The following CREB5 variants were observed in gnomAD, a reference collection of about 807,000 sequenced individuals.
The protein encoded by CREB5 is cAMP responsive element binding protein 5.
CREB5 carries 19 observed loss-of-function variants against 57.1 expected under a neutral mutation model. The observed-to-expected ratio is 0.33, with a 90% CI of 0.23 to 0.49. The LOEUF is 0.49. Ranked by LOEUF, CREB5 falls within the 20% of genes least tolerant of loss-of-function variation. CREB5 has a pLI of 0.99. For synonymous variants in CREB5, 238 were observed against 238.3 expected (o/e 1.00, Z 0.01); for missense variants, 579 against 671.6 (o/e 0.86, Z 1.52).
At chr7:28,677,652 C>T (rs1215332660) in intron 5 of CREB5, among the ~76,000 whole-genome samples, 1 of 152,062 alleles carries the variant, frequency 6.6e-6, no homozygotes, top group African/African-American at 2.4e-5. Flanking sequence ...GGATTATTGC[C>T]CAAGAAAAGT....
At position 28,823,086 on chromosome 7, in the gene CREB5, T is replaced by G. The variant is rs183995259; in HGVS notation, c.*3807T>G. Reference sequence around the variant, plus strand: ...TGGTTGTTGCCTGTTAAGTAAACTTTAGTGTGTAAGTTGAGTTTGTCATTA... The same window carrying G: ...TGGTTGTTGCCTGTTAAGTAAACTTGAGTGTGTAAGTTGAGTTTGTCATTA... On this transcript the variant is annotated 3_prime_UTR_variant, in exon 11 of 11. Transcript: ENST00000357727. The G allele has an allele frequency of 3.3e-5, 5 of 152,732 alleles. No homozygotes were observed. The East Asian group carries it at 9.6e-4, about 29-fold the overall frequency. 9.5% of individuals were successfully genotyped at this position (152,732 alleles called of 1,614,324 possible). A position where few individuals can be genotyped will look rare whatever the true frequency, so the allele number is the denominator to read the frequency against.
rs1809737796 is a variant in CREB5 at position 28,821,122 on chromosome 7, CTT to C, written c.*1844_*1845del. The C allele has an allele frequency of 9.4e-6, 1 of 105,984 alleles. No individual in the cohort carries two copies. Among genetic ancestry groups the C allele is most frequent in the African/African-American group, 4.0e-5 (1 of 24,834 alleles). 6.6% of individuals were successfully genotyped at this position (105,984 alleles called of 1,614,324 possible). A position where few individuals can be genotyped will look rare whatever the true frequency, so the allele number is the denominator to read the frequency against. On this transcript the variant is annotated 3_prime_UTR_variant, in exon 11 of 11. Coordinates refer to ENST00000357727, the MANE Select transcript of CREB5 (RefSeq NM_182898.4). ...TCATCTCCATTTGAATGCTTGACCT[CTT>C]AATGTGTGTGTGTGTGTGTGTGTGT...
chr7:28,660,632 TAAAA>T, intron 5 of CREB5, among the ~76,000 whole-genome samples: 1 of 152,042 alleles, frequency 6.6e-6, no homozygotes, highest in East Asian at 1.9e-4. Flanking sequence ...AGTCCTATAG[TAAAA>T]AAAAGTCTAG....
chr7:28,442,938 G>A (rs968724707), intron 1 of CREB5, among the ~76,000 whole-genome samples: 3 of 152,072 alleles, frequency 2.0e-5, no homozygotes, highest in African/African-American at 4.8e-5. Flanking sequence ...CATTCCTTAC[G>A]TAGGACAGTA....
At chr7:28,679,534 C>T (rs1311979789) in intron 5 of CREB5, among the ~76,000 whole-genome samples, 2 of 152,088 alleles carry the variant, frequency 1.3e-5, no homozygotes, top group African/African-American at 2.4e-5. Context: ...TCTTAGGACC[C>T]GAGGGAAGTG....
chr7:28,453,777 G>A (rs548228835), intron 1 of CREB5, among the ~76,000 whole-genome samples: 1 of 152,244 alleles, frequency 6.6e-6, no homozygotes, highest in Non-Finnish European at 1.5e-5. Context: ...CATCACCGAT[G>A]AAATTGCTGG....
chr7:28,618,023 A>G (rs1022096916), intron 5 of CREB5, among the ~76,000 whole-genome samples: 1 of 152,160 alleles, frequency 6.6e-6, no homozygotes, highest in African/African-American at 2.4e-5. Context: ...GTACACAGAG[A>G]AAAGCTTTAT....
chr7:28,727,464 G>A (rs562128357), intron 7 of CREB5, among the ~76,000 whole-genome samples: 4 of 152,176 alleles, frequency 2.6e-5, no homozygotes, highest in East Asian at 2.0e-4. Flanking sequence ...AGGAGGAAAG[G>A]AAGGGGTAGG....
At chr7:28,418,026 G>T (rs1468299205) in intron 1 of CREB5, among the ~76,000 whole-genome samples, 1 of 152,192 alleles carries the variant, frequency 6.6e-6, no homozygotes, top group Non-Finnish European at 1.5e-5. Context: ...TCACATTTCA[G>T]TTACAGTATT....
At chr7:28,756,969 A>C (rs1805353736) in intron 7 of CREB5, among the ~76,000 whole-genome samples, 1 of 152,202 alleles carries the variant, frequency 6.6e-6, no homozygotes. Context: ...GTCAACTGTT[A>C]ATAAGTAAAT....
chr7:28,615,779 G>A (rs1417020065), intron 5 of CREB5: 1 of 152,280 alleles, frequency 6.6e-6, no homozygotes, highest in Non-Finnish European at 1.5e-5. Flanking sequence ...ACCACTCCTT[G>A]GCCTTGGCCT....
At chr7:28,580,429 C>CCACACACACACACACACACA (rs70977058) in intron 5 of CREB5, among the ~76,000 whole-genome samples, 11 of 130,968 alleles carry the variant, frequency 8.4e-5, no homozygotes, top group Admixed American at 4.5e-4. Context: ...TCCCCCCCCA[C>CCACACACACACACACACACA]CACACACACA....
At chr7:28,447,795 A>G (rs1014653372) in intron 1 of CREB5, among the ~76,000 whole-genome samples, 4 of 152,196 alleles carry the variant, frequency 2.6e-5, no homozygotes, top group African/African-American at 9.6e-5. Flanking sequence ...CGTCTCAGGT[A>G]TACCTCAGGC....
At chr7:28,312,469 T>C (rs1049266926) in intron 1 of CREB5, among the ~76,000 whole-genome samples, 2 of 152,106 alleles carry the variant, frequency 1.3e-5, no homozygotes, top group Non-Finnish European at 2.9e-5. Context: ...CAGAGGTGGC[T>C]TGGGAGACCA....
rs1242500769 is a variant in CREB5 at position 28,822,919 on chromosome 7, G to C, written c.*3640G>C. 1 of 152,642 alleles carries C rather than the reference G, an allele frequency of 6.6e-6. No homozygotes were observed. The highest frequency in any genetic ancestry group is 1.5e-5 in the Non-Finnish European group (1 of 68,050). The allele number at this position is 152,642 out of a possible 1,614,324, so 9.5% of individuals were successfully genotyped here. A position where few individuals can be genotyped will look rare whatever the true frequency, so the allele number is the denominator to read the frequency against. ...GTCACAGTCTTAACACAGCCTGTGG[G>C]AGACAAGCAGTTTGTGTGCTCACAG... is the stretch of plus-strand genomic sequence containing the variant. On this transcript the variant is annotated 3_prime_UTR_variant, in exon 11 of 11. Transcript: ENST00000357727.
At chr7:28,783,413 T>G (rs1807107967) in intron 7 of CREB5, among the ~76,000 whole-genome samples, 1 of 152,244 alleles carries the variant, frequency 6.6e-6, no homozygotes, top group South Asian at 2.1e-4. Flanking sequence ...ACAATTAGTA[T>G]TATAGTTTTG....
At chr7:28,633,191 C>T (rs981804097) in intron 5 of CREB5, among the ~76,000 whole-genome samples, 2 of 152,136 alleles carry the variant, frequency 1.3e-5, no homozygotes, top group Non-Finnish European at 2.9e-5. Context: ...GTAATAAATG[C>T]TAGAATGACA....
intron 1 of CREB5, among the ~76,000 whole-genome samples, chr7:28,307,236 T>C (rs1785207661): frequency 6.6e-6 from 1 of 152,172 alleles, no homozygotes; most frequent in Admixed American, 6.5e-5. Flanking sequence ...TCAAGCTGAA[T>C]CTTAATACCC....
intron 3 of CREB5, among the ~76,000 whole-genome samples, chr7:28,503,640 T>C (rs1583548057): frequency 6.6e-6 from 1 of 152,112 alleles, no homozygotes; most frequent in Admixed American, 6.5e-5. Context: ...GTCCATGAAA[T>C]TGAATTCAGG....
Sources: gnomAD v4.1 joint callset for allele counts (sites outside exome capture counted in the v4.1 genomes callset) on GRCh38, gnomAD v4.1.1 for gene constraint, MANE v1.5 for transcripts, NCBI Gene and HGNC (gene_info 2026-07-23, HGNC 2026-07-21) for gene names.